Variants in PDGFRB observed in about 807,000 individuals in gnomAD.
PDGFRB encodes the protein platelet-derived growth factor receptor beta.
In PDGFRB, 42 loss-of-function variants were observed where a neutral mutation model predicts 120.2. The ratio of observed to expected loss-of-function variants is 0.35; its 90% confidence interval spans 0.27 to 0.45. The LOEUF is 0.45. Ranked by LOEUF, PDGFRB falls within the 20% of genes least tolerant of loss-of-function variation. The pLI is 1.00. For missense variants in PDGFRB, 1,149 were observed against 1,476.3 expected (o/e 0.78, Z 3.63); for synonymous variants, 586 against 606.8 (o/e 0.97, Z 0.50).
rs1462633071 is a variant in PDGFRB at position 150,120,900 on chromosome 5, G to C, written c.2574C>G (p.Ile858Met). The change falls in exon 18 of 23, where the codon ATC becomes ATG. Residue 858 changes from isoleucine (I) to methionine (M), a missense_variant. By Grantham distance (10) the Ile-to-Met change is conservative. This residue lies in a region of PDGFRB where 68 missense variants were observed against 153.3 expected (regional missense o/e 0.44). Coordinates refer to ENST00000261799, the MANE Select transcript of PDGFRB (RefSeq NM_002609.4). The surrounding 1 kb of genome is among the most constrained non-coding windows in gnomAD (Gnocchi z 4.3). Reference sequence around the variant, plus strand: ...GGAAGGTACTCACGCTGCCTTTGGAGATGTAATTCGAGTCCCGCATGATGT... The same window carrying C: ...GGAAGGTACTCACGCTGCCTTTGGACATGTAATTCGAGTCCCGCATGATGT... ...ARDIMRDSNY[I>M]SKGSTFLPLK... The C allele has an allele frequency of 6.2e-7, 1 of 1,614,010 alleles. No individual in the cohort carries two copies. Among genetic ancestry groups the C allele is most frequent in the Non-Finnish European group, 8.5e-7 (1 of 1,179,974 alleles).
chr5:150,140,730 T>C (rs896760580), intron 1 of PDGFRB, among the ~76,000 whole-genome samples: 3 of 150,494 alleles, frequency 2.0e-5, no homozygotes, highest in Non-Finnish European at 3.0e-5. Context: ...GGAAGCAGAG[T>C]GGGGACCCCA....
chr5:150,146,017 A>G (rs1463493105), intron 1 of PDGFRB, among the ~76,000 whole-genome samples: 1 of 152,062 alleles, frequency 6.6e-6, no homozygotes, highest in South Asian at 2.1e-4. Flanking sequence ...CAGTCACTCC[A>G]TTTTTCACAG....
At chr5:150,136,711 C>A (rs1028532376) in intron 2 of PDGFRB, among the ~76,000 whole-genome samples, 14 of 152,090 alleles carry the variant, frequency 9.2e-5, no homozygotes, top group Non-Finnish European at 2.1e-4. Context: ...ATCCACCAGA[C>A]CGAGGATAGG....
At chr5:150,155,179 A>G (rs1251800405) in intron 1 of PDGFRB, among the ~76,000 whole-genome samples, 1 of 151,674 alleles carries the variant, frequency 6.6e-6, no homozygotes, top group African/African-American at 2.4e-5. Context: ...AGCAGGGATG[A>G]TGAGGTGGAG....
rs546825101 is a variant in PDGFRB at position 150,140,669 on chromosome 5, G to A, written c.-6-3616C>T. ...TGGGGGGCCCCAAGTCTAGGGGAGC[G>A]GAGTAAGGACCCCAAGTCCAGGGGA... On this transcript the variant is annotated intron_variant, in intron 1 of 22. Transcript: ENST00000261799. 4.0e-4 allele frequency among the ~76,000 whole-genome samples: 61 copies of A among 150,802 alleles called. 1 individual carries two copies. Among genetic ancestry groups the A allele is most frequent in the South Asian group, 6.3e-4 (3 of 4,764 alleles).
At chr5:150,154,388 A>G (rs938268822) in intron 1 of PDGFRB, among the ~76,000 whole-genome samples, 1 of 152,176 alleles carries the variant, frequency 6.6e-6, no homozygotes, top group Non-Finnish European at 1.5e-5. Context: ...GTGTGGCTAC[A>G]GTTATGTGGC....
intron 1 of PDGFRB, among the ~76,000 whole-genome samples, chr5:150,148,118 G>A (rs938174759): frequency 2.6e-5 from 4 of 152,218 alleles, no homozygotes; most frequent in African/African-American, 9.7e-5. Context: ...TCAGTGAGGA[G>A]TGTCTCATCC....
At chr5:150,128,983 A>G (rs1760373092) in intron 10 of PDGFRB, among the ~76,000 whole-genome samples, 1 of 152,228 alleles carries the variant, frequency 6.6e-6, no homozygotes, top group African/African-American at 2.4e-5. Flanking sequence ...ACGGGCAGCT[A>G]GATACACAAA....
intron 1 of PDGFRB, among the ~76,000 whole-genome samples, chr5:150,139,054 T>C (rs1760712038): frequency 6.6e-6 from 1 of 152,154 alleles, no homozygotes; most frequent in Non-Finnish European, 1.5e-5. Context: ...CCTCCTCCCA[T>C]GTGGCACTCC....
intron 11 of PDGFRB, 114 bp from the exon 12 acceptor site, chr5:150,125,691 C>T: frequency 1.1e-6 from 1 of 945,640 alleles, no homozygotes; most frequent in Non-Finnish European, 1.6e-6. Context: ...CAGAGAGGGG[C>T]AGGGGCATAT....
chr5:150,126,647 A>G (rs376291094), intron 10 of PDGFRB, 33 bp from the exon 11 acceptor site: 419 of 1,161,156 alleles, frequency 3.6e-4, no homozygotes, highest in Non-Finnish European at 4.3e-4. Flanking sequence ...GCCATGAGCA[A>G]ACTGGGCAGC....
intron 1 of PDGFRB, among the ~76,000 whole-genome samples, chr5:150,143,188 A>G (rs1271493905): frequency 5.9e-5 from 9 of 152,244 alleles, no homozygotes; most frequent in Admixed American, 5.9e-4. Flanking sequence ...CACAAAATTT[A>G]AAGCTTGTAA....
At position 150,139,194 on chromosome 5, in the gene PDGFRB, C is replaced by T. The variant is rs1760713952; in HGVS notation, c.-6-2141G>A. On this transcript the variant is annotated intron_variant, in intron 1 of 22. Transcript: ENST00000261799. ...GAAGGACAGAAGCATGCCCCAGTCA[C>T]ACAGCAAAAAGGCAGATTCAAGCTG... Among the ~76,000 whole-genome samples the T allele has an allele frequency of 2.6e-5, 4 of 152,318 alleles. No homozygotes were observed. The South Asian group carries it at 8.3e-4, about 32-fold the overall frequency.
chr5:150,134,589 T>G, intron 4 of PDGFRB, 161 bp downstream of exon 4: 1 of 678,440 alleles, frequency 1.5e-6, no homozygotes, highest in Non-Finnish European at 2.4e-6. Context: ...CGCCTGAGTT[T>G]CCCTCTTCTG....
rs541541316 is a variant in PDGFRB, at chr5:150,126,988, C to T, written c.1580-374G>A. Among the ~76,000 whole-genome samples, 8 of 152,338 alleles carry T rather than the reference C, an allele frequency of 5.3e-5. No homozygotes were observed. The South Asian group carries it at 1.2e-3, about 24-fold the overall frequency. On this transcript the variant is annotated intron_variant, in intron 10 of 22. Transcript: ENST00000261799. ...CCCCTGAGGGCTGGGTTGTGGCTTA[C>T]CTCTCCTCTGAGTCCACACCCTTGC...
intron 1 of PDGFRB, among the ~76,000 whole-genome samples, chr5:150,140,457 T>G (rs1483021027): frequency 3.3e-5 from 5 of 152,186 alleles, no homozygotes; most frequent in African/African-American, 9.6e-5. Flanking sequence ...CTTTTGCCCA[T>G]GAAGAGAGTG....
intron 1 of PDGFRB, among the ~76,000 whole-genome samples, chr5:150,143,915 C>T (rs532017355): frequency 5.9e-5 from 9 of 152,240 alleles, no homozygotes; most frequent in South Asian, 2.1e-4. Context: ...GAGAGCAGCC[C>T]GGCGCAGCCC....
chr5:150,154,106 T>A (rs1383769458), intron 1 of PDGFRB: 1 of 152,104 alleles, frequency 6.6e-6, no homozygotes, highest in Non-Finnish European at 1.5e-5. Flanking sequence ...GTAACATGGC[T>A]TCAGCACAAA....
At position 150,119,595 on chromosome 5, in the gene PDGFRB, C is replaced by G. The variant is rs545110360; in HGVS notation, c.2699-29G>C. ...TTGGGGAGCAGAGACAAGAGATACA[C>G]AGGCTCAGGGGTGGAAAAGTGGCAG... On this transcript the variant is annotated intron_variant, in intron 19 of 22. Transcript: ENST00000261799. The G allele has an allele frequency of 8.7e-6, 12 of 1,375,788 alleles. No individual in the cohort carries two copies. The South Asian group carries it at 1.4e-4, about 16-fold the overall frequency. 85.2% of individuals were successfully genotyped at this position (1,375,788 alleles called of 1,614,324 possible). A position where few individuals can be genotyped will look rare whatever the true frequency, so the allele number is the denominator to read the frequency against.
Sources: allele counts gnomAD v4.1 joint callset (sites outside exome capture counted in the v4.1 genomes callset), GRCh38; gene constraint gnomAD v4.1.1; regional missense constraint gnomAD v4.1.1; non-coding constraint Gnocchi (gnomAD v3.1); transcripts MANE v1.5; gene names NCBI Gene and HGNC (gene_info 2026-07-23, HGNC 2026-07-21).